Variants in DMTN observed in about 807,000 individuals in gnomAD.
DMTN encodes the protein dematin.
In DMTN, 27 loss-of-function variants were observed where a neutral mutation model predicts 59.4. The observed-to-expected ratio is 0.45, with a 90% CI of 0.33 to 0.63. The LOEUF is 0.63. DMTN is among the 20% of genes least tolerant of loss of function. The pLI, the probability that DMTN is intolerant of heterozygous loss-of-function variation, is 0.02. For synonymous variants in DMTN, 221 were observed against 203.7 expected (o/e 1.08, Z -0.72); for missense variants, 451 against 528.9 (o/e 0.85, Z 1.45).
Position 22,058,334 on chromosome 8 carries a change from C to G in DMTN, c.-172+1198C>G, listed in dbSNP as rs1387800852. Among the ~76,000 whole-genome samples the G allele has an allele frequency of 6.6e-6, 1 of 152,094 alleles. No individual in the cohort carries two copies. Among genetic ancestry groups the G allele is most frequent in the Non-Finnish European group, 1.5e-5 (1 of 68,010 alleles). On this transcript the variant is annotated intron_variant, in intron 1 of 15. Transcript: ENST00000358242. This position sits in a 1 kb window ranked among gnomAD's most constrained non-coding sequence, Gnocchi z 4.3. ...GTGTTGTGGGACTGGAACAGGGAGG[C>G]CCTGGGATCCAGAAAGCTGAATTGA...
At chr8:22,064,806 A>G (rs138597459) in intron 1 of DMTN, among the ~76,000 whole-genome samples, 4 of 152,188 alleles carry the variant, frequency 2.6e-5, no homozygotes, top group African/African-American at 9.6e-5. Flanking sequence ...TTCCAAACAG[A>G]CTTGAGAATC....
chr8:22,079,227 TA>T (rs146724482), intron 10 of DMTN, among the ~76,000 whole-genome samples: 5,024 of 140,904 alleles, frequency 0.036, 99 homozygotes, highest in African/African-American at 0.052. Context: ...CTGGGTACCA[TA>T]GTGAGGCCTG....
At chr8:22,074,879 C>T (rs1358050979) in intron 10 of DMTN, among the ~76,000 whole-genome samples, 1 of 152,116 alleles carries the variant, frequency 6.6e-6, no homozygotes, top group African/African-American at 2.4e-5. Context: ...GCAATGAAAG[C>T]TGCAAAGCCT....
At chr8:22,070,437 A>G (rs758592144) in intron 8 of DMTN, 103 bp downstream of exon 8, 41 of 1,396,294 alleles carry the variant, frequency 2.9e-5, no homozygotes, top group Non-Finnish European at 3.6e-5. Flanking sequence ...CCCCTGCCCT[A>G]TGGTGTCCTC....
intron 3 of DMTN, 111 bp from the exon 4 acceptor site, chr8:22,067,416 G>C: frequency 6.9e-7 from 1 of 1,451,898 alleles, no homozygotes; most frequent in Non-Finnish European, 9.3e-7. Context: ...AATTGTTAAC[G>C]TCTGCAATGG....
At chr8:22,073,451 C>T (rs1183797828) in intron 9 of DMTN, among the ~76,000 whole-genome samples, 1 of 151,286 alleles carries the variant, frequency 6.6e-6, no homozygotes, top group Non-Finnish European at 1.5e-5. Flanking sequence ...CATGGTGAAA[C>T]CCCATCTGTA....
chr8:22,073,614 G>C lies in DMTN; in HGVS notation c.730-116G>C, dbSNP rs548348264. 226 of 775,380 alleles carry C rather than the reference G, an allele frequency of 2.9e-4. 1 individual carries two copies. Among genetic ancestry groups the C allele is most frequent in the Middle Eastern group, 3.3e-4 (1 of 3,076 alleles). 48.0% of individuals were successfully genotyped at this position (775,380 alleles called of 1,614,324 possible). A position where few individuals can be genotyped will look rare whatever the true frequency, so the allele number is the denominator to read the frequency against. On this transcript the variant is annotated intron_variant, in intron 9 of 15. Transcript: ENST00000358242. The stretch of plus-strand genomic sequence containing the variant: ...CCACTGAACTCCAGCCTGGGTGACA[G>C]AGTGAGACCCTGTCTCAAAAAAAAA...
At chr8:22,069,176 G>T (rs1813182294) in intron 5 of DMTN, 116 bp downstream of exon 5, 2 of 1,252,974 alleles carry the variant, frequency 1.6e-6, no homozygotes, top group Non-Finnish European at 1.1e-6. Context: ...CGAATCAGCG[G>T]CCCCCTGGCT....
chr8:22,068,499 G>A (rs1812565887), intron 4 of DMTN, among the ~76,000 whole-genome samples: 1 of 152,196 alleles, frequency 6.6e-6, no homozygotes, highest in Non-Finnish European at 1.5e-5. Context: ...GGCTGGGAAG[G>A]GGAGGCTGCA....
chr8:22,063,619 A>C (rs746674192), intron 1 of DMTN, among the ~76,000 whole-genome samples: 1 of 152,078 alleles, frequency 6.6e-6, no homozygotes, highest in Non-Finnish European at 1.5e-5. Context: ...GCTGTTCCCC[A>C]GGCAGGCCCA....
Position 22,081,636 on chromosome 8 carries a change from C to A in DMTN, c.*173C>A. On this transcript the variant is annotated 3_prime_UTR_variant, in exon 16 of 16. Transcript: ENST00000358242. ...GGCAGTGAGCTATGGACTTTCTTCC[C>A]CCTCACAAGGCTGGGGGCCTCCTGC... The A allele has an allele frequency of 1.6e-6, 1 of 628,476 alleles. No homozygotes were observed. Among genetic ancestry groups the A allele is most frequent in the Non-Finnish European group, 2.8e-6 (1 of 354,246 alleles). 38.9% of individuals were successfully genotyped at this position (628,476 alleles called of 1,614,324 possible).
chr8:22,066,724 G>GGGC lies in DMTN; in HGVS notation c.-150_-149insCGG. 1 of 799,838 alleles carries GGGC rather than the reference G, an allele frequency of 1.3e-6. No individual in the cohort carries two copies. Among genetic ancestry groups the GGGC allele is most frequent in the Non-Finnish European group, 1.7e-6 (1 of 597,634 alleles). The allele number at this position is 799,838 out of a possible 1,614,324, so 49.5% of individuals were successfully genotyped here. On this transcript the variant is annotated 5_prime_UTR_variant, in exon 2 of 16. Coordinates refer to ENST00000358242, the MANE Select transcript of DMTN (RefSeq NM_001387751.1). ...CCGCAGCCTGGAGAGTCACCGCCGA[G>GGGC]GGATGAGGACGCGCCAGCCCGGGGG...
rs571958093 is a variant in DMTN, at chr8:22,076,193, G to A, written c.835+2358G>A. ...TGAAGTGCCCCATGTACAGCACTGT[G>A]GGTGGAAGGTGCATCTGGCAGAGTT... On this transcript the variant is annotated intron_variant, in intron 10 of 15. Transcript: ENST00000358242. 1.5e-4 allele frequency among the ~76,000 whole-genome samples: 23 copies of A among 152,226 alleles called. 1 individual carries two copies. In the East Asian group the frequency reaches 4.5e-3, roughly 30 times the overall value.
chr8:22,080,891 G>C, intron 14 of DMTN, 21 bp downstream of exon 14: 1 of 1,547,102 alleles, frequency 6.5e-7, no homozygotes, highest in Non-Finnish European at 8.7e-7. Context: ...GGGGACACAA[G>C]CGCCTGTAGC....
chr8:22,056,998 T>A lies in DMTN; in HGVS notation c.-310T>A, dbSNP rs1475403364. The A allele has an allele frequency of 7.0e-6, 1 of 142,310 alleles. No homozygotes were observed. Among genetic ancestry groups the A allele is most frequent in the African/African-American group, 2.6e-5 (1 of 39,078 alleles). The allele number at this position is 142,310 out of a possible 1,614,324, so 8.8% of individuals were successfully genotyped here. ...CCGGCATTTTTCCTGTTATTTGTGC[T>A]CCGGGGAAGCGCCGCGGGGTTCCTG... On this transcript the variant is annotated 5_prime_UTR_variant, in exon 1 of 16. Coordinates refer to ENST00000358242, the MANE Select transcript of DMTN (RefSeq NM_001387751.1).
Position 22,058,081 on chromosome 8 carries a change from G to A in DMTN, c.-172+945G>A, listed in dbSNP as rs898993101. On this transcript the variant is annotated intron_variant, in intron 1 of 15. Transcript: ENST00000358242. This position sits in a 1 kb window ranked among gnomAD's most constrained non-coding sequence, Gnocchi z 4.3. ...TGTTGGCAGCACCATGTGTCACAGTGAGGGGGCCTCGATGGGAGAGTGGGG... is the reference window on the plus strand; with the variant it reads ...TGTTGGCAGCACCATGTGTCACAGTAAGGGGGCCTCGATGGGAGAGTGGGG... 2.6e-5 allele frequency: 4 copies of A among 152,694 alleles called. No homozygotes were observed. The highest frequency in any genetic ancestry group is 3.3e-3 in the Middle Eastern group (1 of 300). 9.5% of individuals were successfully genotyped at this position (152,694 alleles called of 1,614,324 possible).
chr8:22,074,712 A>AG, intron 10 of DMTN, among the ~76,000 whole-genome samples: 1 of 152,218 alleles, frequency 6.6e-6, no homozygotes, highest in Non-Finnish European at 1.5e-5. Context: ...GGAGTCTGGA[A>AG]TTACAGAGTA....
chr8:22,077,042 A>G (rs1260459533), intron 10 of DMTN, among the ~76,000 whole-genome samples: 1 of 73,832 alleles, frequency 1.4e-5, no homozygotes, highest in Non-Finnish European at 3.4e-5. Flanking sequence ...TGTGGGCTGT[A>G]TGTCCACAGC....
At chr8:22,050,673 C>T (rs138168580), upstream of DMTN, among the ~76,000 whole-genome samples, 2 of 152,146 alleles carry the variant, frequency 1.3e-5, no homozygotes, top group African/African-American at 4.8e-5. Flanking sequence ...GGGAGGGCCG[C>T]TCCAGAGGCC....
Sources: allele counts gnomAD v4.1 joint callset (sites outside exome capture counted in the v4.1 genomes callset), GRCh38; gene constraint gnomAD v4.1.1; non-coding constraint Gnocchi (gnomAD v3.1); transcripts MANE v1.5; gene names NCBI Gene and HGNC (gene_info 2026-07-23, HGNC 2026-07-21).